GPHN: variants seen among roughly 807,000 people sequenced by gnomAD.
The protein encoded by GPHN is gephyrin.
A neutral mutation model predicts 95.5 loss-of-function variants in GPHN; 17 were observed. The ratio of observed to expected loss-of-function variants is 0.18; its 90% CI spans 0.12 to 0.27. The LOEUF is 0.27. Ranked by LOEUF, GPHN falls within the 10% of genes least tolerant of loss-of-function variation. GPHN has a pLI of 1.00. For missense variants in GPHN, 660 were observed against 978.1 expected (o/e 0.67, Z 4.34); for synonymous variants, 320 against 322.5 (o/e 0.99, Z 0.08).
chr14:67,714,596 CT>C, the GPHN span: 1 of 168,742 alleles, frequency 5.9e-6, no homozygotes, highest in Non-Finnish European at 1.3e-5. Context: ...TTCTCTAGGC[CT>C]TTTAGAAAAC....
chr14:67,460,068 G>A, the GPHN span, among the ~76,000 whole-genome samples: 1 of 152,132 alleles, frequency 6.6e-6, no homozygotes, highest in African/African-American at 2.4e-5. Flanking sequence ...TACCAAAATG[G>A]GAGAAGCAGA....
At chr14:66,834,272 A>G (rs2061700494) in intron 4 of GPHN, among the ~76,000 whole-genome samples, 1 of 152,168 alleles carries the variant, frequency 6.6e-6, no homozygotes. Flanking sequence ...CTTACCCAAA[A>G]CATACATCCT....
the GPHN span, chr14:67,579,391 C>G: frequency 8.6e-7 from 1 of 1,160,284 alleles, no homozygotes; most frequent in Non-Finnish European, 1.2e-6. Flanking sequence ...TAGGCTCAGG[C>G]TTGGCAGATT....
At chr14:66,877,208 A>T (rs950216341) in intron 4 of GPHN, among the ~76,000 whole-genome samples, 5 of 152,198 alleles carry the variant, frequency 3.3e-5, no homozygotes, top group African/African-American at 1.2e-4. Context: ...AAAAACTCTC[A>T]ATAAACTAGG....
intron 12 of GPHN, among the ~76,000 whole-genome samples, chr14:67,091,239 A>G (rs2077135923): frequency 6.6e-6 from 1 of 152,032 alleles, no homozygotes; most frequent in Non-Finnish European, 1.5e-5. Context: ...AAATTGGCAA[A>G]GCCAAAACTT....
chr14:66,651,306 A>G (rs772344116), intron 1 of GPHN, among the ~76,000 whole-genome samples: 36 of 152,206 alleles, frequency 2.4e-4, no homozygotes, highest in Non-Finnish European at 4.6e-4. Context: ...AGTGTGTTCA[A>G]GTCGGCAGAT....
chr14:66,819,260 T>C (rs1245305474), intron 3 of GPHN, among the ~76,000 whole-genome samples: 2 of 152,222 alleles, frequency 1.3e-5, no homozygotes, highest in Admixed American at 6.5e-5. Context: ...TAGTTAATTT[T>C]TGTATATGGT....
intron 11 of GPHN, among the ~76,000 whole-genome samples, chr14:67,083,236 C>G (rs1038264327): frequency 2.6e-5 from 4 of 151,946 alleles, no homozygotes; most frequent in Non-Finnish European, 4.4e-5. Flanking sequence ...TATGCCCCCC[C>G]CCCTCCAAAT....
At chr14:66,736,234 G>C (rs1322223882) in intron 2 of GPHN, among the ~76,000 whole-genome samples, 1 of 151,364 alleles carries the variant, frequency 6.6e-6, no homozygotes, top group African/African-American at 2.4e-5. Flanking sequence ...GAGTATATTT[G>C]GTAGTCTTAT....
the GPHN span, among the ~76,000 whole-genome samples, chr14:67,285,830 G>A: frequency 1.3e-5 from 2 of 152,140 alleles, no homozygotes; most frequent in Non-Finnish European, 2.9e-5. Flanking sequence ...TAGACTGACA[G>A]GAGAGGGCAA....
chr14:66,800,518 A>G (rs1659253464), intron 3 of GPHN, among the ~76,000 whole-genome samples: 1 of 152,038 alleles, frequency 6.6e-6, no homozygotes, highest in African/African-American at 2.4e-5. Context: ...TTGGTCTATA[A>G]GGTTTCCACT....
At chr14:67,330,154 A>ATT in the GPHN span, among the ~76,000 whole-genome samples, 28 of 105,728 alleles carry the variant, frequency 2.6e-4, no homozygotes, top group African/African-American at 5.1e-4. Context: ...TAATAATAAT[A>ATT]ATTATTATTA....
At chr14:67,298,515 CA>C in the GPHN span, among the ~76,000 whole-genome samples, 22,624 of 120,496 alleles carry the variant, frequency 0.19, 3,123 homozygotes, top group East Asian at 0.45. Context: ...AACTCCGTCT[CA>C]AAAAAAAAAA....
the GPHN span, among the ~76,000 whole-genome samples, chr14:67,331,324 C>T: frequency 1.4e-4 from 21 of 152,272 alleles, no homozygotes; most frequent in East Asian, 2.7e-3. Context: ...AGATTACAGG[C>T]GGGGGAGCCC....
intron 8 of GPHN, among the ~76,000 whole-genome samples, chr14:66,932,444 GTTTTTTTTTTTTTTTTTT>G (rs35159325): frequency 4.0e-3 from 97 of 24,394 alleles, no homozygotes; most frequent in African/African-American, 0.01. Flanking sequence ...CCAAGACCAG[GTTTTTTTTTTTTTTTTTT>G]TTTTTTTTTT....
At chr14:67,373,126 C>G in the GPHN span, among the ~76,000 whole-genome samples, 494 of 152,242 alleles carry the variant, frequency 3.2e-3, no homozygotes, top group African/African-American at 0.011. Flanking sequence ...GAAAGTTTGG[C>G]AGATAAAATT....
rs1001987196 is a variant in GPHN, at chr14:66,582,954, C to T, written c.64+74363C>T. The stretch of plus-strand genomic sequence containing the variant: ...TTCTAGTTCTAAATCCCTGAGGAAT[C>T]GCCACACTGACTTCCACAATGGTGG... On this transcript the variant is annotated intron_variant, in intron 1 of 22. Transcript: ENST00000478722. Among the ~76,000 whole-genome samples, 554 of 152,262 alleles carry T rather than the reference C, an allele frequency of 3.6e-3. 12 individuals carry two copies. Among genetic ancestry groups the T allele is most frequent in the African/African-American group, 0.013 (524 of 41,514 alleles).
the GPHN span, among the ~76,000 whole-genome samples, chr14:67,248,967 C>G: frequency 1.3e-5 from 2 of 150,518 alleles, no homozygotes; most frequent in African/African-American, 2.4e-5. Flanking sequence ...GCCTACATAC[C>G]AATTTTTTTT....
the GPHN span, among the ~76,000 whole-genome samples, chr14:67,566,749 GAAA>G: frequency 1.4e-4 from 19 of 134,246 alleles, no homozygotes; most frequent in East Asian, 2.2e-4. Flanking sequence ...ACCCTGTCTT[GAAA>G]AAAAAAAAAA....
Sources: gnomAD v4.1 joint callset for allele counts (sites outside exome capture counted in the v4.1 genomes callset) on GRCh38, gnomAD v4.1.1 for gene constraint, MANE v1.5 for transcripts, NCBI Gene and HGNC (gene_info 2026-07-23, HGNC 2026-07-21) for gene names.